SAMSN1: variants seen among roughly 807,000 people sequenced by gnomAD.
SAMSN1 encodes the protein SAM domain, SH3 domain and nuclear localization signals 1, also known as SAM domain-containing protein SAMSN-1.
A neutral mutation model predicts 42.0 loss-of-function variants in SAMSN1; 31 were observed. The ratio of observed to expected loss-of-function variants is 0.74; its 90% confidence interval spans 0.55 to 1.00. The LOEUF (loss-of-function observed/expected upper bound fraction) is 1.00. Ranked by LOEUF, SAMSN1 falls within the 50% of genes least tolerant of loss-of-function variation. The pLI is 0.00. For missense variants in SAMSN1, 464 were observed against 439.4 expected, an observed-to-expected ratio of 1.06 and a Z score of -0.50; for synonymous variants, 178 against 151.9, an observed-to-expected ratio of 1.17 and a Z score of -1.26.
intron 3 of SAMSN1, among the ~76,000 whole-genome samples, chr21:14,514,578 G>A (rs1987822775): frequency 1.3e-5 from 2 of 152,180 alleles, no homozygotes; most frequent in South Asian, 2.1e-4. Context: ...TATATACGTG[G>A]TAATACAATT....
chr21:14,611,355 C>T (rs1982702155), intron 4 of SAMSN1, among the ~76,000 whole-genome samples: 1 of 152,212 alleles, frequency 6.6e-6, no homozygotes, highest in African/African-American at 2.4e-5. Context: ...ATTGGAGTCC[C>T]TTCTAAATTA....
intron 1 of SAMSN1, among the ~76,000 whole-genome samples, chr21:14,526,512 A>G (rs1243559241): frequency 1.3e-5 from 2 of 152,154 alleles, no homozygotes; most frequent in Non-Finnish European, 2.9e-5. Context: ...TTCTTTTTTT[A>G]TTAGTACCTC....
chr21:14,595,320 G>T (rs1402259676), intron 6 of SAMSN1, among the ~76,000 whole-genome samples: 1 of 152,108 alleles, frequency 6.6e-6, no homozygotes, highest in African/African-American at 2.4e-5. Context: ...CCTTATAAAA[G>T]TGGTTGAGGG....
At chr21:14,645,240 C>A (rs956938150) in intron 1 of SAMSN1, among the ~76,000 whole-genome samples, 2 of 152,198 alleles carry the variant, frequency 1.3e-5, no homozygotes, top group Non-Finnish European at 2.9e-5. Flanking sequence ...CAGGTCTGAC[C>A]CAGCACAGTC....
chr21:14,646,805 T>C (rs895425323), intron 1 of SAMSN1, among the ~76,000 whole-genome samples: 3 of 152,220 alleles, frequency 2.0e-5, no homozygotes, highest in African/African-American at 4.8e-5. Context: ...TAATTAGTTT[T>C]CTTTTTGCTT....
rs58491748 is a variant in SAMSN1, at chr21:14,577,284, ATTT to A, written c.261+4849_261+4851del. ...TATATATATATATATATATATATAT[ATTT>A]TTTTTTTAGAAGAGACAGGGTTTTA... On this transcript the variant is annotated intron_variant, in intron 2 of 8. Transcript: ENST00000285670. Among the ~76,000 whole-genome samples the A allele has an allele frequency of 5.7e-3, 305 of 53,852 alleles. 11 individuals are homozygous for A. Among genetic ancestry groups the A allele is most frequent in the Non-Finnish European group, 8.5e-3 (252 of 29,552 alleles). The allele number at this position is 53,852 out of a possible 152,430, so 35.3% of individuals were successfully genotyped here. A position where few individuals can be genotyped will look rare whatever the true frequency, so the allele number is the denominator to read the frequency against.
intron 2 of SAMSN1, among the ~76,000 whole-genome samples, chr21:14,623,780 T>C (rs939393605): frequency 4.6e-5 from 7 of 152,142 alleles, no homozygotes; most frequent in Non-Finnish European, 7.3e-5. Context: ...GCGGGCCTAA[T>C]AGACATCTAC....
intron 1 of SAMSN1, among the ~76,000 whole-genome samples, chr21:14,535,376 G>A (rs1315639511): frequency 1.3e-5 from 2 of 152,160 alleles, no homozygotes; most frequent in African/African-American, 4.8e-5. Flanking sequence ...GTAGGTAAAG[G>A]CAGTCAAGTC....
chr21:14,547,068 A>G (rs556033366), upstream of SAMSN1, among the ~76,000 whole-genome samples: 1 of 152,320 alleles, frequency 6.6e-6, no homozygotes, highest in East Asian at 1.9e-4. Flanking sequence ...TAGAACTTAA[A>G]CAATACTAAT....
exon 2 of SAMSN1, chr21:14,582,248 G>T (rs1233286811): frequency 5.8e-6 from 9 of 1,550,916 alleles, no homozygotes; most frequent in African/African-American, 1.4e-5. Context: ...ATCAAGACAT[G>T]TCCAGAGAGG....
chr21:14,579,857 A>C lies in SAMSN1; in HGVS notation c.261+2279T>G, dbSNP rs56689123. Among the ~76,000 whole-genome samples, 29 of 152,234 alleles carry C rather than the reference A, an allele frequency of 1.9e-4. 1 individual carries two copies. The South Asian group carries it at 3.9e-3, about 21-fold the overall frequency. On this transcript the variant is annotated intron_variant, in intron 2 of 8. Transcript: ENST00000285670. ...GATACAAAGATAAGTTATTCATAGG[A>C]AGTATACAAATACTGAACTAATTCC...
chr21:14,631,559 G>C (rs943250215), intron 2 of SAMSN1, among the ~76,000 whole-genome samples: 70 of 152,224 alleles, frequency 4.6e-4, no homozygotes, highest in African/African-American at 1.5e-3. Context: ...ATAGAGACAG[G>C]GTTCACCATA....
rs188469818 is a variant in SAMSN1, at chr21:14,497,093, A to G, written c.919+1349T>C. ...TAGAAAGTATAACACAGCAGCACAT[A>G]CATTGGGTTGGAATCCTAACTCTAC... On this transcript the variant is annotated intron_variant, in intron 7 of 7. Transcript: ENST00000400566. 2.6e-5 allele frequency among the ~76,000 whole-genome samples: 4 copies of G among 152,264 alleles called. No individual in the cohort carries two copies. In the East Asian group the frequency reaches 7.7e-4, roughly 29 times the overall value.
intron 6 of SAMSN1, among the ~76,000 whole-genome samples, chr21:14,595,386 GGA>G (rs1436739841): frequency 1.7e-4 from 26 of 152,002 alleles, no homozygotes; most frequent in African/African-American, 6.3e-4. Flanking sequence ...GCCTTGTCTT[GGA>G]CTTCTCAGCC....
At chr21:14,606,646 A>G (rs1232925145) in intron 5 of SAMSN1, among the ~76,000 whole-genome samples, 3 of 152,172 alleles carry the variant, frequency 2.0e-5, no homozygotes, top group Non-Finnish European at 2.9e-5. Flanking sequence ...ATTTCTCCTC[A>G]CACCTAAGCT....
chr21:14,516,850 G>A lies in SAMSN1; in HGVS notation c.279+42C>T, dbSNP rs188673552. ...TAGTCTAGCTGAATAGTTTAAGAAA[G>A]TTTTAGTAGAAAAATACAAATGATT... is the stretch of plus-strand genomic sequence containing the variant. On this transcript the variant is annotated intron_variant, in intron 3 of 7. Transcript: ENST00000400566. 1,201 of 1,529,008 alleles carry A rather than the reference G, an allele frequency of 7.9e-4. 5 individuals carry two copies. Among genetic ancestry groups the A allele is most frequent in the Admixed American group, 2.3e-4 (12 of 52,814 alleles). 94.7% of individuals were successfully genotyped at this position (1,529,008 alleles called of 1,614,324 possible). A position where few individuals can be genotyped will look rare whatever the true frequency, so the allele number is the denominator to read the frequency against.
chr21:14,554,840 A>G (rs891656590), intron 2 of SAMSN1, among the ~76,000 whole-genome samples: 4 of 151,952 alleles, frequency 2.6e-5, no homozygotes, highest in African/African-American at 9.7e-5. Flanking sequence ...CTGGGATTAC[A>G]GACATGCACC....
At chr21:14,564,092 G>C (rs1168966982) in intron 2 of SAMSN1, among the ~76,000 whole-genome samples, 1 of 152,070 alleles carries the variant, frequency 6.6e-6, no homozygotes, top group Non-Finnish European at 1.5e-5. Context: ...TTAAAAGTCT[G>C]ATTTGCTTAC....
rs372090042 is a variant in SAMSN1, at chr21:14,603,399, A to C, written c.323-1300T>G. On this transcript the variant is annotated intron_variant, in intron 5 of 15. Coordinates refer to the SAMSN1 transcript ENST00000647101. The stretch of plus-strand genomic sequence containing the variant: ...CAAGGCAGAAAAATGAGTGATTCAC[A>C]CACAATACTATGGAGAGAGACCACT... Among the ~76,000 whole-genome samples the C allele has an allele frequency of 4.6e-5, 7 of 152,350 alleles. No homozygotes were observed. The East Asian group carries it at 1.3e-3, about 29-fold the overall frequency.
Sources: allele counts gnomAD v4.1 joint callset (sites outside exome capture counted in the v4.1 genomes callset), GRCh38; gene constraint gnomAD v4.1.1; transcripts MANE v1.5; gene names NCBI Gene and HGNC (gene_info 2026-07-23, HGNC 2026-07-21).